The following CACNA2D1 variants were observed in gnomAD, a reference collection of about 807,000 sequenced individuals.
CACNA2D1 encodes calcium voltage-gated channel auxiliary subunit alpha2delta 1, also known as voltage-dependent calcium channel subunit alpha-2/delta-1.
Under a neutral mutation model 171.5 loss-of-function variants are expected in CACNA2D1, and 53 were observed. The observed-to-expected ratio is 0.31, with a 90% confidence interval of 0.25 to 0.39. The LOEUF is 0.39. CACNA2D1 is among the 10% of genes least tolerant of loss of function. The pLI, the probability that CACNA2D1 is intolerant of heterozygous loss-of-function variation, is 1.00. For missense variants in CACNA2D1, 903 were observed against 1,299.8 expected (o/e 0.69, Z 4.69); for synonymous variants, 442 against 443.1 (o/e 1.00, Z 0.03).
At chr7:82,035,119 T>C (rs1291138296) in intron 11 of CACNA2D1, among the ~76,000 whole-genome samples, 2 of 152,144 alleles carry the variant, frequency 1.3e-5, no homozygotes, top group East Asian at 3.8e-4. Flanking sequence ...TAACTTACTT[T>C]AATATGGTAG....
chr7:82,278,983 T>G (rs577288626), intron 3 of CACNA2D1, among the ~76,000 whole-genome samples: 8 of 152,268 alleles, frequency 5.3e-5, no homozygotes, highest in African/African-American at 1.9e-4. Flanking sequence ...TGACTTCTCT[T>G]TCAGCTTCTG....
chr7:82,122,627 A>G lies in CACNA2D1; in HGVS notation c.397-5454T>C, dbSNP rs142321362. The stretch of plus-strand genomic sequence containing the variant: ...AATACAGTGCTACAAAAGTATACCC[A>G]TATCTACACATTATATCTAAATATG... On this transcript the variant is annotated intron_variant, in intron 5 of 38. Transcript: ENST00000356860. 1.2e-3 allele frequency among the ~76,000 whole-genome samples: 176 copies of G among 152,316 alleles called. 2 individuals are homozygous for G. Among genetic ancestry groups the G allele is most frequent in the African/African-American group, 4.1e-3 (169 of 41,568 alleles).
intron 3 of CACNA2D1, among the ~76,000 whole-genome samples, chr7:82,295,526 T>A (rs1266533773): frequency 6.6e-6 from 1 of 151,878 alleles, no homozygotes; most frequent in African/African-American, 2.4e-5. Flanking sequence ...TTCTTTCTTT[T>A]TTTTTTCTTT....
chr7:82,058,167 T>C (rs1037235486), intron 10 of CACNA2D1, among the ~76,000 whole-genome samples: 1 of 152,170 alleles, frequency 6.6e-6, no homozygotes, highest in African/African-American at 2.4e-5. Context: ...CCTCAGAGAA[T>C]TAAGTTCCTT....
At position 82,117,187 on chromosome 7, in the gene CACNA2D1, G is replaced by T; in HGVS notation, c.397-14C>A. 5.0e-6 allele frequency: 8 copies of T among 1,611,866 alleles called. No homozygotes were observed. Among genetic ancestry groups the T allele is most frequent in the Non-Finnish European group, 6.8e-6 (8 of 1,178,774 alleles). On this transcript the variant is annotated splice_polypyrimidine_tract_variant and intron_variant, in intron 5 of 38. Transcript: ENST00000356860. ...ATTTTTCTCAGGCTATATAGAAAAA[G>T]AATAAACAGAATATTACAATTTTTG...
chr7:81,991,475 T>G (rs576547807), intron 20 of CACNA2D1, among the ~76,000 whole-genome samples: 1 of 152,328 alleles, frequency 6.6e-6, no homozygotes, highest in African/African-American at 2.4e-5. Flanking sequence ...CAAATTATTA[T>G]CTTCAAAACA....
In CACNA2D1 at chr7:81,959,867, TTTTCCAAAATAAATGGAAATC is replaced by T. The variant is rs761958753; in HGVS notation, c.2967-59_2967-39del. 4.3e-5 allele frequency: 68 copies of T among 1,595,474 alleles called. 1 individual carries two copies. Among genetic ancestry groups the T allele is most frequent in the Middle Eastern group, 3.3e-4 (2 of 6,002 alleles). On this transcript the variant is annotated intron_variant, in intron 36 of 38. Coordinates refer to ENST00000356860, the MANE Select transcript of CACNA2D1 (RefSeq NM_000722.4). ...TATGGTATCATAGAAAATGAGTATC[TTTTCCAAAATAAATGGAAATC>T]TTTCAAAGATTCTTACATATTAAAA...
chr7:82,212,720 A>G (rs1311578581), intron 3 of CACNA2D1, among the ~76,000 whole-genome samples: 1 of 152,214 alleles, frequency 6.6e-6, no homozygotes, highest in Non-Finnish European at 1.5e-5. Flanking sequence ...TTTATGTTAC[A>G]ATACATTTTT....
rs375015616 is a variant in CACNA2D1, at chr7:82,347,280, T to C, written c.177+2288A>G. On this transcript the variant is annotated intron_variant, in intron 2 of 38. Transcript: ENST00000356860. ...AAATTGCAAAAATATATTACTATTT[T>C]ATTTTATTTTATTTTTGAGACAGGG... Among the ~76,000 whole-genome samples, 12 of 152,278 alleles carry C rather than the reference T, an allele frequency of 7.9e-5. No homozygotes were observed. The East Asian group carries it at 1.7e-3, about 22-fold the overall frequency.
At chr7:81,955,991 T>A (rs1302794418) in intron 38 of CACNA2D1, among the ~76,000 whole-genome samples, 44 of 125,254 alleles carry the variant, frequency 3.5e-4, no homozygotes, top group Non-Finnish European at 5.9e-4. Flanking sequence ...TTTTTTTTTT[T>A]TTTTTTTTTT....
chr7:82,343,055 A>G (rs1322745975), intron 2 of CACNA2D1: 1 of 152,192 alleles, frequency 6.6e-6, no homozygotes, highest in East Asian at 1.9e-4. Flanking sequence ...TATACATACC[A>G]CATATACACA....
chr7:81,980,172 CAAAAAAAAAAAAAAA>C (rs35616922), intron 24 of CACNA2D1, among the ~76,000 whole-genome samples: 3 of 25,252 alleles, frequency 1.2e-4, no homozygotes, highest in African/African-American at 1.5e-4. Context: ...TAAAACCAAG[CAAAAAAAAAAAAAAA>C]AAAAAAAAAA....
chr7:81,994,186 A>T (rs1247796520), intron 20 of CACNA2D1, among the ~76,000 whole-genome samples: 1 of 152,142 alleles, frequency 6.6e-6, no homozygotes, highest in Admixed American at 6.5e-5. Flanking sequence ...AGCTTCTGAG[A>T]CTTACATTTT....
At chr7:82,422,741 T>C (rs1828822328) in intron 1 of CACNA2D1, among the ~76,000 whole-genome samples, 1 of 152,232 alleles carries the variant, frequency 6.6e-6, no homozygotes, top group African/African-American at 2.4e-5. Context: ...TTTAAAAAAA[T>C]AGATAACCTT....
chr7:82,374,671 C>CT (rs1822804673), intron 1 of CACNA2D1, among the ~76,000 whole-genome samples: 1 of 151,746 alleles, frequency 6.6e-6, no homozygotes, highest in Non-Finnish European at 1.5e-5. Flanking sequence ...ATAATAAAAG[C>CT]TTTTTATACA....
chr7:82,306,329 G>A (rs578233059), intron 3 of CACNA2D1, among the ~76,000 whole-genome samples: 1 of 152,148 alleles, frequency 6.6e-6, no homozygotes, highest in Non-Finnish European at 1.5e-5. Context: ...TTCTGAATTT[G>A]CCAACCTCTC....
chr7:82,164,258 A>G (rs1262348440), intron 4 of CACNA2D1, among the ~76,000 whole-genome samples: 1 of 152,040 alleles, frequency 6.6e-6, no homozygotes, highest in Non-Finnish European at 1.5e-5. Context: ...TCTGGCATAT[A>G]TTGGACTAGA....
chr7:82,044,722 C>A (rs1377804944), intron 10 of CACNA2D1, among the ~76,000 whole-genome samples: 1 of 152,086 alleles, frequency 6.6e-6, no homozygotes, highest in Non-Finnish European at 1.5e-5. Flanking sequence ...GGAAAATGAC[C>A]AGAGGCTGTG....
At chr7:82,060,105 C>A (rs867563615) in intron 10 of CACNA2D1, among the ~76,000 whole-genome samples, 1 of 96,868 alleles carries the variant, frequency 1.0e-5, no homozygotes, top group Non-Finnish European at 2.0e-5. Context: ...ATGTAACAAA[C>A]CTGCACGTTG....
Sources: gnomAD v4.1 joint callset for allele counts (sites outside exome capture counted in the v4.1 genomes callset) on GRCh38, gnomAD v4.1.1 for gene constraint, MANE v1.5 for transcripts, NCBI Gene and HGNC (gene_info 2026-07-23, HGNC 2026-07-21) for gene names.